Variants in ATF6 observed in about 807,000 individuals in gnomAD.
ATF6 encodes cyclic AMP-dependent transcription factor ATF-6 alpha.
ATF6 carries 53 observed loss-of-function variants against 83.6 expected under a neutral mutation model. That is an observed-to-expected ratio of 0.63 (90% confidence interval 0.51 to 0.80). The LOEUF is 0.80. Ranked by LOEUF, ATF6 falls within the 30% of genes least tolerant of loss-of-function variation. The pLI is 0.00. For synonymous variants in ATF6, 288 were observed against 285.8 expected (o/e 1.01, Z -0.08); for missense variants, 744 against 797.9 (o/e 0.93, Z 0.81).
At position 161,877,271 on chromosome 1, in the gene ATF6, A is replaced by T. The variant is rs189593488; in HGVS notation, c.1719+13959A>T. Among the ~76,000 whole-genome samples, 3 of 152,300 alleles carry T rather than the reference A, an allele frequency of 2.0e-5. No homozygotes were observed. In the East Asian group the frequency reaches 5.8e-4, roughly 29 times the overall value. ...CATAGTCTCTGTGCTCAGGGAACTT[A>T]TAGTTTAGTTGGTGCTAACCAGATA... is the stretch of plus-strand genomic sequence containing the variant. On this transcript the variant is annotated intron_variant, in intron 14 of 15. Coordinates refer to ENST00000367942, the MANE Select transcript of ATF6 (RefSeq NM_007348.4).
intron 1 of ATF6, among the ~76,000 whole-genome samples, chr1:161,770,180 A>G (rs1306745719): frequency 2.0e-5 from 3 of 152,194 alleles, no homozygotes; most frequent in Non-Finnish European, 2.9e-5. Context: ...TACAGTATGT[A>G]GCATTTTTGA....
chr1:161,792,386 CAT>C (rs1451441161), intron 6 of ATF6, 59 bp downstream of exon 6: 3 of 1,485,894 alleles, frequency 2.0e-6, no homozygotes, highest in Middle Eastern at 1.7e-4. Context: ...AGGGTTGTGT[CAT>C]ATGATTTGTT....
intron 12 of ATF6, among the ~76,000 whole-genome samples, chr1:161,858,872 C>T (rs939690600): frequency 6.6e-6 from 1 of 152,162 alleles, no homozygotes; most frequent in African/African-American, 2.4e-5. Flanking sequence ...TTGGCTTTTC[C>T]TAAGGCCTAC....
At chr1:161,780,388 T>G (rs191113196) in intron 2 of ATF6, among the ~76,000 whole-genome samples, 1 of 152,070 alleles carries the variant, frequency 6.6e-6, no homozygotes, top group South Asian at 2.1e-4. Context: ...TTTATTTTTT[T>G]TTTGAGACGG....
chr1:161,790,889 G>A (rs1420393411), intron 4 of ATF6, among the ~76,000 whole-genome samples: 1 of 151,928 alleles, frequency 6.6e-6, no homozygotes, highest in Admixed American at 6.6e-5. Context: ...ACAACATTTG[G>A]AACAAAGGCA....
At chr1:161,856,019 T>C (rs967912107) in intron 12 of ATF6, among the ~76,000 whole-genome samples, 4 of 152,108 alleles carry the variant, frequency 2.6e-5, no homozygotes, top group African/African-American at 7.2e-5. Context: ...AAGAAAGAGT[T>C]TTATTTTTGG....
intron 7 of ATF6, among the ~76,000 whole-genome samples, chr1:161,810,598 C>T (rs1281588246): frequency 6.6e-6 from 1 of 151,810 alleles, no homozygotes; most frequent in Non-Finnish European, 1.5e-5. Context: ...TCCATAAGCT[C>T]TTTTGTTGTC....
At chr1:161,840,368 C>T (rs1686326096) in intron 9 of ATF6, 1 of 152,164 alleles carries the variant, frequency 6.6e-6, no homozygotes, top group Admixed American at 6.5e-5. Flanking sequence ...AACGTAATTT[C>T]AGCTTTTTGT....
intron 7 of ATF6, among the ~76,000 whole-genome samples, chr1:161,806,257 G>A (rs979336127): frequency 3.3e-5 from 5 of 152,192 alleles, no homozygotes; most frequent in African/African-American, 9.7e-5. Flanking sequence ...GCTATTTAGT[G>A]TTGCCACACA....
At chr1:161,936,692 C>T (rs10753685) in intron 15 of ATF6, among the ~76,000 whole-genome samples, 95,893 of 151,994 alleles carry the variant, frequency 0.63, 32,027 homozygotes, top group Non-Finnish European at 0.75. Context: ...GTTTAATATC[C>T]ACACTCACAT....
intron 7 of ATF6, among the ~76,000 whole-genome samples, chr1:161,804,463 A>C (rs569306635): frequency 1.2e-4 from 19 of 152,186 alleles, no homozygotes; most frequent in African/African-American, 3.9e-4. Flanking sequence ...TAAAGGTTGG[A>C]ATGATTCAGT....
At chr1:161,846,424 A>C in intron 9 of ATF6, 25 bp from the exon 10 acceptor site, 2 of 1,591,532 alleles carry the variant, frequency 1.3e-6, no homozygotes, top group South Asian at 1.1e-5. Context: ...TATTTCAGCT[A>C]TTATTTCCTG....
At chr1:161,884,885 T>C (rs1391463569) in intron 14 of ATF6, among the ~76,000 whole-genome samples, 1 of 152,174 alleles carries the variant, frequency 6.6e-6, no homozygotes, top group African/African-American at 2.4e-5. Context: ...TTTTGACTGT[T>C]TGTTGCTGGC....
chr1:161,842,370 C>A (rs1686377631), intron 9 of ATF6, among the ~76,000 whole-genome samples: 1 of 152,096 alleles, frequency 6.6e-6, no homozygotes, highest in Non-Finnish European at 1.5e-5. Flanking sequence ...TGGGTTTCTA[C>A]CCAGAGGAAA....
At chr1:161,789,390 C>T (rs903844809) in intron 4 of ATF6, among the ~76,000 whole-genome samples, 2 of 151,298 alleles carry the variant, frequency 1.3e-5, no homozygotes, top group African/African-American at 4.9e-5. Flanking sequence ...TTTTTGATCC[C>T]ACAAATAAGT....
intron 7 of ATF6, among the ~76,000 whole-genome samples, chr1:161,812,363 G>A (rs888080415): frequency 1.5e-5 from 2 of 130,716 alleles, no homozygotes; most frequent in East Asian, 2.3e-4. Context: ...AATGGGAGCA[G>A]GTATTTTCTT....
At position 161,958,581 on chromosome 1, in the gene ATF6, C is replaced by G. The variant is rs1273224409; in HGVS notation, c.1940C>G (p.Thr647Ser). The G allele has an allele frequency of 1.2e-6, 2 of 1,613,984 alleles. No individual in the cohort carries two copies. The highest frequency in any genetic ancestry group is 2.7e-5 in the African/African-American group (2 of 74,890). The change falls in exon 16 of 16, where the codon ACC (threonine) becomes AGC (serine). Residue 647 changes from threonine (T) to serine (S), a missense_variant. Transcript: ENST00000367942. Reference sequence around the variant, plus strand: ...GATCAGCAGAGGAATCAAACCAACACCTTCTTTGGCTCCCCTCCCGCAGCC... The same window carrying G: ...GATCAGCAGAGGAATCAAACCAACAGCTTCTTTGGCTCCCCTCCCGCAGCC... ...LRDQQRNQTN[T>S]FFGSPPAATE...
intron 14 of ATF6, among the ~76,000 whole-genome samples, chr1:161,888,055 C>A (rs1451709177): frequency 1.3e-5 from 2 of 152,170 alleles, no homozygotes; most frequent in Non-Finnish European, 1.5e-5. Context: ...TTCCTATCAA[C>A]CATCACTCTC....
chr1:161,899,439 A>G (rs1289594912), intron 14 of ATF6, among the ~76,000 whole-genome samples: 1 of 152,204 alleles, frequency 6.6e-6, no homozygotes, highest in African/African-American at 2.4e-5. Flanking sequence ...AGAATCCTGA[A>G]AATTGCTTTT....
Sources: allele counts gnomAD v4.1 joint callset (sites outside exome capture counted in the v4.1 genomes callset), GRCh38; gene constraint gnomAD v4.1.1; transcripts MANE v1.5; gene names NCBI Gene and HGNC (gene_info 2026-07-23, HGNC 2026-07-21).